The following NXPH1 variants were observed in gnomAD, a reference collection of about 807,000 sequenced individuals.
The protein encoded by NXPH1 is neurexophilin-1.
Under a neutral mutation model 23.7 loss-of-function variants are expected in NXPH1, and 5 were observed. The observed-to-expected ratio is 0.21, with a 90% CI of 0.11 to 0.44. The LOEUF (loss-of-function observed/expected upper bound fraction) is 0.44, where lower values mean the gene tolerates loss of function less well. Among genes scored for constraint, NXPH1 ranks in the 20% least tolerant of loss-of-function variants. The pLI is 0.99. For missense variants in NXPH1, 324 were observed against 321.6 expected, an observed-to-expected ratio of 1.01 and a Z score of -0.06; for synonymous variants, 144 against 122.2, an observed-to-expected ratio of 1.18 and a Z score of -1.18.
chr7:8,514,716 G>A (rs1817662259), intron 2 of NXPH1, among the ~76,000 whole-genome samples: 1 of 152,094 alleles, frequency 6.6e-6, no homozygotes, highest in Non-Finnish European at 1.5e-5. Flanking sequence ...GATCCAAACA[G>A]ACACTGTGCA....
chr7:8,582,541 G>T (rs1237873711), intron 2 of NXPH1, among the ~76,000 whole-genome samples: 2 of 152,100 alleles, frequency 1.3e-5, no homozygotes, highest in Non-Finnish European at 2.9e-5. Context: ...ACCTGCAGTG[G>T]GTAGCTCTGC....
intron 2 of NXPH1, among the ~76,000 whole-genome samples, chr7:8,524,241 C>CAA (rs34744233): frequency 0.25 from 18,369 of 73,128 alleles, 2,357 homozygotes; most frequent in East Asian, 0.31. Context: ...GACTCTGTCT[C>CAA]AAAAAAAAAA....
chr7:8,574,255 A>G (rs1421070204), intron 2 of NXPH1, among the ~76,000 whole-genome samples: 1 of 151,900 alleles, frequency 6.6e-6, no homozygotes, highest in African/African-American at 2.4e-5. Flanking sequence ...TTTCTAGGCA[A>G]AACTGTTTTT....
At chr7:8,696,025 GT>G (rs1201009335) in intron 2 of NXPH1, among the ~76,000 whole-genome samples, 1 of 152,174 alleles carries the variant, frequency 6.6e-6, no homozygotes, top group Non-Finnish European at 1.5e-5. Context: ...AAAGTTTCAA[GT>G]TTTGTTTCAT....
intron 2 of NXPH1, among the ~76,000 whole-genome samples, chr7:8,727,573 A>G (rs2115212637): frequency 6.6e-6 from 1 of 152,254 alleles, no homozygotes; most frequent in Non-Finnish European, 1.5e-5. Context: ...CAGGTTTCCC[A>G]GCACCATTTA....
At chr7:8,455,582 C>G (rs963519578) in intron 2 of NXPH1, among the ~76,000 whole-genome samples, 2 of 152,098 alleles carry the variant, frequency 1.3e-5, no homozygotes, top group African/African-American at 4.8e-5. Flanking sequence ...AGCCTCGTGG[C>G]CTGCATTGCC....
intron 2 of NXPH1, among the ~76,000 whole-genome samples, chr7:8,516,675 A>G (rs560409599): frequency 6.6e-6 from 1 of 152,100 alleles, no homozygotes; most frequent in East Asian, 1.9e-4. Context: ...TTTATTATAT[A>G]CTTTCAGTTA....
intron 2 of NXPH1, among the ~76,000 whole-genome samples, chr7:8,467,218 GC>G (rs1261770355): frequency 1.3e-5 from 2 of 152,084 alleles, no homozygotes; most frequent in Non-Finnish European, 2.9e-5. Context: ...CTTAAAGTAT[GC>G]CCAAGTTTAA....
chr7:8,559,556 T>G (rs2128620550), intron 2 of NXPH1, among the ~76,000 whole-genome samples: 1 of 151,856 alleles, frequency 6.6e-6, no homozygotes, highest in Middle Eastern at 3.4e-3. Flanking sequence ...ACACTCATTT[T>G]TGTCTTAGCT....
At chr7:8,716,527 A>G (rs943709031) in intron 2 of NXPH1, among the ~76,000 whole-genome samples, 1 of 152,250 alleles carries the variant, frequency 6.6e-6, no homozygotes, top group Non-Finnish European at 1.5e-5. Flanking sequence ...TCAGACAGCA[A>G]TAATTCAAAA....
chr7:8,623,819 A>G (rs116815961), intron 2 of NXPH1, among the ~76,000 whole-genome samples: 57 of 151,832 alleles, frequency 3.8e-4, no homozygotes, highest in African/African-American at 1.2e-3. Context: ...AACCTTTTCT[A>G]TGGCTTTGTA....
Position 8,435,453 on chromosome 7 carries a change from C to A in NXPH1, c.-110-151C>A, listed in dbSNP as rs1048956554. On this transcript the variant is annotated intron_variant, in intron 1 of 2. Coordinates refer to ENST00000405863, the MANE Select transcript of NXPH1 (RefSeq NM_152745.3). The surrounding 1 kb of genome is among the most constrained non-coding windows in gnomAD (Gnocchi z 5.9). ...GGACCGCGCGCTTGCTGGTCTCAGG[C>A]GCTGGATTTACTCGCTTTTCAATTT... 2 of 550,094 alleles carry A rather than the reference C, an allele frequency of 3.6e-6. No individual in the cohort carries two copies. The highest frequency in any genetic ancestry group is 2.1e-5 in the South Asian group (1 of 46,692). The allele number at this position is 550,094 out of a possible 1,614,324, so 34.1% of individuals were successfully genotyped here. A position where few individuals can be genotyped will look rare whatever the true frequency, so the allele number is the denominator to read the frequency against.
intron 2 of NXPH1, among the ~76,000 whole-genome samples, chr7:8,548,963 T>G (rs1246814624): frequency 1.3e-5 from 2 of 151,566 alleles, no homozygotes; most frequent in African/African-American, 4.8e-5. Flanking sequence ...TTGAGGAATA[T>G]TGGATTATAC....
chr7:8,459,850 G>A (rs1356959689), intron 2 of NXPH1, among the ~76,000 whole-genome samples: 2 of 152,182 alleles, frequency 1.3e-5, no homozygotes, highest in Non-Finnish European at 2.9e-5. Context: ...TTTGTTGCAC[G>A]AATGAATTCG....
At chr7:8,483,106 C>T (rs1221332549) in intron 2 of NXPH1, among the ~76,000 whole-genome samples, 1 of 152,094 alleles carries the variant, frequency 6.6e-6, no homozygotes, top group African/African-American at 2.4e-5. Context: ...ATTTCCTAGA[C>T]TTACAGTAAC....
At chr7:8,739,449 G>C (rs997827956) in intron 2 of NXPH1, among the ~76,000 whole-genome samples, 2 of 152,046 alleles carry the variant, frequency 1.3e-5, no homozygotes, top group African/African-American at 4.8e-5. Flanking sequence ...ACCCCACCCT[G>C]CTTCTGATTG....
chr7:8,593,838 A>T (rs1043208102), intron 2 of NXPH1, among the ~76,000 whole-genome samples: 1 of 152,088 alleles, frequency 6.6e-6, no homozygotes, highest in African/African-American at 2.4e-5. Flanking sequence ...GACATTTTCC[A>T]TAGATTGGAA....
intron 2 of NXPH1, among the ~76,000 whole-genome samples, chr7:8,569,071 C>T (rs1818601161): frequency 1.3e-5 from 2 of 151,806 alleles, no homozygotes; most frequent in South Asian, 4.1e-4. Context: ...GTAATTAATG[C>T]ATCAGGTTGC....
At chr7:8,577,466 T>A (rs1223936124) in intron 2 of NXPH1, among the ~76,000 whole-genome samples, 2 of 152,130 alleles carry the variant, frequency 1.3e-5, no homozygotes, top group Non-Finnish European at 2.9e-5. Context: ...ATTCCTTGTT[T>A]TTGTTTGTTT....
Sources: allele counts gnomAD v4.1 joint callset (sites outside exome capture counted in the v4.1 genomes callset), GRCh38; gene constraint gnomAD v4.1.1; non-coding constraint Gnocchi (gnomAD v3.1); transcripts MANE v1.5; gene names NCBI Gene and HGNC (gene_info 2026-07-23, HGNC 2026-07-21).